CTNNA2: variants seen among roughly 807,000 people sequenced by gnomAD.
The protein encoded by CTNNA2 is catenin alpha-2.
CTNNA2 carries 42 observed loss-of-function variants against 101.0 expected under a neutral mutation model. That is an observed-to-expected ratio of 0.42 (90% confidence interval 0.32 to 0.54). The LOEUF (loss-of-function observed/expected upper bound fraction) is 0.54. Ranked by LOEUF, CTNNA2 falls within the 20% of genes least tolerant of loss-of-function variation. CTNNA2 has a pLI of 0.14. For synonymous variants in CTNNA2, 450 were observed against 456.4 expected (o/e 0.99, Z 0.18); for missense variants, 871 against 1,223.1 (o/e 0.71, Z 4.29).
At chr2:79,797,675 A>AAAAG (rs1406461107) in intron 3 of CTNNA2, among the ~76,000 whole-genome samples, 1 of 151,398 alleles carries the variant, frequency 6.6e-6, no homozygotes, top group Non-Finnish European at 1.5e-5. Context: ...AAAAAAAAAA[A>AAAAG]AAAATGATTG....
chr2:80,317,672 G>A (rs561519528), intron 7 of CTNNA2, among the ~76,000 whole-genome samples: 44 of 152,232 alleles, frequency 2.9e-4, no homozygotes, highest in South Asian at 2.1e-3. Flanking sequence ...TGCTGTTTGC[G>A]TAGAAAAAGA....
At chr2:79,901,037 G>A (rs1228819116) in intron 6 of CTNNA2, among the ~76,000 whole-genome samples, 4 of 152,148 alleles carry the variant, frequency 2.6e-5, no homozygotes, top group African/African-American at 4.8e-5. Flanking sequence ...GAAGACATGG[G>A]TACATTGTAG....
chr2:79,360,042 T>A (rs1677593484), intron 3 of CTNNA2, among the ~76,000 whole-genome samples: 1 of 152,176 alleles, frequency 6.6e-6, no homozygotes, highest in Non-Finnish European at 1.5e-5. Context: ...AAAAACTATA[T>A]AAACAAAATC....
chr2:79,912,054 C>T (rs1038757181), intron 7 of CTNNA2, among the ~76,000 whole-genome samples: 1 of 152,216 alleles, frequency 6.6e-6, no homozygotes, highest in African/African-American at 2.4e-5. Context: ...CTTTCAATTT[C>T]ATAAGCTCTG....
chr2:79,240,728 G>C (rs1263779058), intron 2 of CTNNA2, among the ~76,000 whole-genome samples: 1 of 152,146 alleles, frequency 6.6e-6, no homozygotes, highest in African/African-American at 2.4e-5. Flanking sequence ...CCCAAGGAGT[G>C]TCAGTTAATG....
At chr2:79,846,887 A>G (rs577304269) in intron 3 of CTNNA2, among the ~76,000 whole-genome samples, 1 of 152,346 alleles carries the variant, frequency 6.6e-6, no homozygotes, top group South Asian at 2.1e-4. Context: ...CAAGCTAGAA[A>G]CCAGATCTAT....
chr2:80,446,844 T>C (rs1469520932), intron 9 of CTNNA2, among the ~76,000 whole-genome samples: 3 of 152,178 alleles, frequency 2.0e-5, no homozygotes, highest in Non-Finnish European at 2.9e-5. Context: ...TTTATTCCTA[T>C]TTTTTGGTGA....
In CTNNA2 at chr2:80,086,788, T is replaced by G. The variant is rs540542440; in HGVS notation, c.1056+176991T>G. On this transcript the variant is annotated intron_variant, in intron 7 of 18. Transcript: ENST00000402739. ...AGTGAGATAATGTACAGGAAAGCAC[T>G]GGGTAAATTGCAAAGCCTTTTACAA... 2.6e-5 allele frequency among the ~76,000 whole-genome samples: 4 copies of G among 152,132 alleles called. No homozygotes were observed. The South Asian group carries it at 8.3e-4, about 32-fold the overall frequency.
rs185017918 is a variant in CTNNA2, at chr2:79,953,895, G to A, written c.1056+44098G>A. Among the ~76,000 whole-genome samples the A allele has an allele frequency of 1.3e-3, 191 of 152,266 alleles. 1 individual carries two copies. Among genetic ancestry groups the A allele is most frequent in the African/African-American group, 4.3e-3 (180 of 41,552 alleles). ...GTTAGAATGAGGGCCAGTATCATAG[G>A]TTATGGTTCTCCACTTAGTTTACAC... On this transcript the variant is annotated intron_variant, in intron 7 of 18. Coordinates refer to ENST00000402739, the MANE Select transcript of CTNNA2 (RefSeq NM_001282597.3).
At chr2:80,376,460 A>G (rs1675960261) in intron 7 of CTNNA2, among the ~76,000 whole-genome samples, 1 of 142,376 alleles carries the variant, frequency 7.0e-6, no homozygotes, top group Admixed American at 6.8e-5. Context: ...CTAATGGTAG[A>G]AACAGGAAAA....
chr2:80,541,226 C>T (rs1691529256), intron 9 of CTNNA2, among the ~76,000 whole-genome samples: 1 of 152,182 alleles, frequency 6.6e-6, no homozygotes, highest in Non-Finnish European at 1.5e-5. Context: ...AAATCCTTAG[C>T]ATCATATTGG....
intron 3 of CTNNA2, among the ~76,000 whole-genome samples, chr2:79,785,595 A>G (rs1440882288): frequency 6.6e-6 from 1 of 152,000 alleles, no homozygotes; most frequent in Non-Finnish European, 1.5e-5. Context: ...TGTATTTATA[A>G]TTTGTTATTA....
At chr2:80,007,900 T>G (rs1192107175) in intron 7 of CTNNA2, among the ~76,000 whole-genome samples, 1 of 152,148 alleles carries the variant, frequency 6.6e-6, no homozygotes, top group Non-Finnish European at 1.5e-5. Flanking sequence ...TGCTGGGAGA[T>G]TCTTGCACAA....
At chr2:79,549,857 G>A (rs1673979780) in intron 1 of CTNNA2, among the ~76,000 whole-genome samples, 1 of 152,134 alleles carries the variant, frequency 6.6e-6, no homozygotes, top group African/African-American at 2.4e-5. Flanking sequence ...TATTTTGAAA[G>A]AACTAGGAGG....
intron 1 of CTNNA2, among the ~76,000 whole-genome samples, chr2:79,522,965 C>A (rs554181796): frequency 6.6e-6 from 1 of 152,180 alleles, no homozygotes; most frequent in African/African-American, 2.4e-5. Context: ...AAAATCACTG[C>A]AGTCCAACTA....
At chr2:80,092,162 C>A (rs1407286228) in intron 7 of CTNNA2, among the ~76,000 whole-genome samples, 1 of 152,084 alleles carries the variant, frequency 6.6e-6, no homozygotes, top group African/African-American at 2.4e-5. Flanking sequence ...CTAAGCCTTT[C>A]TCTCTTGGGT....
At chr2:80,622,031 T>G (rs1338638898) in intron 18 of CTNNA2, among the ~76,000 whole-genome samples, 2 of 151,890 alleles carry the variant, frequency 1.3e-5, no homozygotes, top group East Asian at 3.9e-4. Flanking sequence ...GAATTGTAAA[T>G]GGAGCTGAAG....
intron 6 of CTNNA2, among the ~76,000 whole-genome samples, chr2:79,904,213 T>C (rs1374874320): frequency 6.6e-6 from 1 of 152,130 alleles, no homozygotes; most frequent in African/African-American, 2.4e-5. Context: ...TTCCATAACA[T>C]CATTAGCCAT....
intron 9 of CTNNA2, among the ~76,000 whole-genome samples, chr2:80,486,578 A>G (rs1345364555): frequency 6.6e-6 from 1 of 152,222 alleles, no homozygotes; most frequent in Non-Finnish European, 1.5e-5. Context: ...TGAAGAATTT[A>G]GTTCTTACAT....
Sources: gnomAD v4.1 joint callset for allele counts (sites outside exome capture counted in the v4.1 genomes callset) on GRCh38, gnomAD v4.1.1 for gene constraint, MANE v1.5 for transcripts, NCBI Gene and HGNC (gene_info 2026-07-23, HGNC 2026-07-21) for gene names.